Variants in SLC39A11 observed in about 807,000 individuals in gnomAD.
SLC39A11 encodes the protein zinc transporter ZIP11.
In SLC39A11, 33 loss-of-function variants were observed where a neutral mutation model predicts 36.1. The observed-to-expected ratio is 0.91, with a 90% CI of 0.69 to 1.22. The LOEUF (loss-of-function observed/expected upper bound fraction) is 1.22. SLC39A11 is among the 50% of genes most tolerant of loss of function. SLC39A11 has a pLI of 0.00. For synonymous variants in SLC39A11, 166 were observed against 170.3 expected, an observed-to-expected ratio of 0.97 and a Z score of 0.20; for missense variants, 432 against 430.3, an observed-to-expected ratio of 1.00 and a Z score of -0.03.
chr17:72,855,775 T>C (rs929713142), intron 5 of SLC39A11, among the ~76,000 whole-genome samples: 14 of 152,026 alleles, frequency 9.2e-5, no homozygotes, highest in South Asian at 4.1e-4. Flanking sequence ...CGGGCACCTG[T>C]AGTCCTAGCT....
chr17:72,898,228 C>G (rs926393777), intron 5 of SLC39A11, among the ~76,000 whole-genome samples: 1 of 152,090 alleles, frequency 6.6e-6, no homozygotes, highest in Non-Finnish European at 1.5e-5. Context: ...GAAGGAAATG[C>G]TTGTTTTTCA....
intron 5 of SLC39A11, among the ~76,000 whole-genome samples, chr17:72,938,051 C>T (rs193127684): frequency 9.3e-4 from 141 of 152,236 alleles, no homozygotes; most frequent in African/African-American, 3.2e-3. Flanking sequence ...CAAAATGTTA[C>T]GACCCTCAAA....
At chr17:73,031,847 G>A (rs952263415) in intron 3 of SLC39A11, 133 bp from the exon 4 acceptor site, 3 of 923,348 alleles carry the variant, frequency 3.2e-6, no homozygotes, top group Non-Finnish European at 4.8e-6. Flanking sequence ...TCCCAGGTTG[G>A]GAGGTACTAT....
At chr17:72,903,948 G>C (rs1490914926) in intron 5 of SLC39A11, among the ~76,000 whole-genome samples, 2 of 152,134 alleles carry the variant, frequency 1.3e-5, no homozygotes, top group East Asian at 3.9e-4. Context: ...GCACCCTCCT[G>C]CTAAAACTCT....
At chr17:72,868,289 C>T (rs2080413532) in intron 5 of SLC39A11, among the ~76,000 whole-genome samples, 2 of 152,076 alleles carry the variant, frequency 1.3e-5, no homozygotes, top group Non-Finnish European at 2.9e-5. Context: ...TAAAACTCCC[C>T]AACTCTGCAT....
intron 5 of SLC39A11, among the ~76,000 whole-genome samples, chr17:72,903,544 A>G (rs1222755001): frequency 1.3e-5 from 2 of 152,162 alleles, no homozygotes; most frequent in Non-Finnish European, 2.9e-5. Flanking sequence ...TATTTGCAGC[A>G]CTGTGACCGT....
At chr17:72,959,743 A>G (rs930678502) in intron 4 of SLC39A11, among the ~76,000 whole-genome samples, 1 of 152,130 alleles carries the variant, frequency 6.6e-6, no homozygotes, top group Non-Finnish European at 1.5e-5. Flanking sequence ...ATATACTAAT[A>G]TTGAGAACCT....
intron 3 of SLC39A11, among the ~76,000 whole-genome samples, chr17:73,071,998 C>T (rs569730359): frequency 2.6e-5 from 4 of 152,258 alleles, no homozygotes; most frequent in African/African-American, 9.6e-5. Context: ...AAAAAATGAG[C>T]CGACTACCCT....
At chr17:72,922,327 T>C (rs962203081) in intron 5 of SLC39A11, among the ~76,000 whole-genome samples, 1 of 152,204 alleles carries the variant, frequency 6.6e-6, no homozygotes, top group African/African-American at 2.4e-5. Context: ...CTCACTTCAA[T>C]AAACTACTTA....
chr17:72,877,708 C>T (rs756181522), intron 5 of SLC39A11, among the ~76,000 whole-genome samples: 19 of 152,132 alleles, frequency 1.2e-4, no homozygotes, highest in African/African-American at 3.4e-4. Flanking sequence ...CATGGTCTCA[C>T]GACAGACTTG....
chr17:72,899,962 A>G (rs2082235152), intron 5 of SLC39A11, among the ~76,000 whole-genome samples: 1 of 144,154 alleles, frequency 6.9e-6, no homozygotes, highest in Non-Finnish European at 1.5e-5. Flanking sequence ...ATTCTGAAAA[A>G]AGAAAGAGAG....
intron 5 of SLC39A11, among the ~76,000 whole-genome samples, chr17:72,939,817 T>C (rs1253837980): frequency 1.3e-5 from 2 of 152,186 alleles, no homozygotes; most frequent in Non-Finnish European, 2.9e-5. Flanking sequence ...AGCAGCTCTG[T>C]ATAGTACAAG....
chr17:72,682,829 T>C (rs1404142706), intron 7 of SLC39A11, among the ~76,000 whole-genome samples: 1 of 152,248 alleles, frequency 6.6e-6, no homozygotes, highest in Non-Finnish European at 1.5e-5. Context: ...TTTATATAAC[T>C]GTCTGACTTA....
chr17:72,790,776 G>T (rs962063221), intron 6 of SLC39A11, among the ~76,000 whole-genome samples: 9 of 152,010 alleles, frequency 5.9e-5, no homozygotes, highest in Non-Finnish European at 8.8e-5. Flanking sequence ...CAAGTGATCC[G>T]CCTGCCTCGG....
At chr17:72,993,878 C>G (rs2089339070) in intron 4 of SLC39A11, among the ~76,000 whole-genome samples, 1 of 152,150 alleles carries the variant, frequency 6.6e-6, no homozygotes, top group South Asian at 2.1e-4. Context: ...GGCTGTGTCC[C>G]CCACCCAAAT....
At chr17:72,965,929 C>T (rs146334026) in intron 4 of SLC39A11, among the ~76,000 whole-genome samples, 141 of 152,338 alleles carry the variant, frequency 9.3e-4, no homozygotes, top group African/African-American at 3.1e-3. Flanking sequence ...ACCAAACCAT[C>T]CACAAACCTA....
chr17:72,716,797 C>T lies in SLC39A11; in HGVS notation c.671+19853G>A, dbSNP rs552725603. ...CAACCTGGCCAACATGGTAAAACCC[C>T]ATCTCTACAAAAAATACAAAAATTA... On this transcript the variant is annotated intron_variant, in intron 7 of 9. Coordinates refer to ENST00000255559, the MANE Select transcript of SLC39A11 (RefSeq NM_139177.4). Among the ~76,000 whole-genome samples the T allele has an allele frequency of 3.3e-5, 5 of 151,668 alleles. No homozygotes were observed. In the East Asian group the frequency reaches 9.7e-4, roughly 29 times the overall value.
At chr17:73,039,646 C>G (rs944462007) in intron 3 of SLC39A11, among the ~76,000 whole-genome samples, 4 of 152,160 alleles carry the variant, frequency 2.6e-5, no homozygotes, top group African/African-American at 9.7e-5. Flanking sequence ...TGCCTTCTGT[C>G]CTTTCACAAA....
At chr17:72,753,298 A>AC (rs1244836913) in intron 6 of SLC39A11, among the ~76,000 whole-genome samples, 3 of 152,042 alleles carry the variant, frequency 2.0e-5, no homozygotes, top group Non-Finnish European at 4.4e-5. Context: ...CTGCACACAT[A>AC]CCTTACATCT....
Sources: allele counts gnomAD v4.1 joint callset (sites outside exome capture counted in the v4.1 genomes callset), GRCh38; gene constraint gnomAD v4.1.1; transcripts MANE v1.5; gene names NCBI Gene and HGNC (gene_info 2026-07-23, HGNC 2026-07-21).